GLRA1: variants seen among roughly 807,000 people sequenced by gnomAD.
The protein encoded by GLRA1 is glycine receptor subunit alpha-1.
A neutral mutation model predicts 48.3 loss-of-function variants in GLRA1; 37 were observed. The observed-to-expected ratio is 0.77, with a 90% CI of 0.59 to 1.01. The LOEUF is 1.01. Among genes scored for constraint, GLRA1 ranks in the 50% least tolerant of loss-of-function variants. The pLI, the probability that GLRA1 is intolerant of heterozygous loss-of-function variation, is 0.00. For missense variants in GLRA1, 427 were observed against 571.0 expected, an observed-to-expected ratio of 0.75 and a Z score of 2.57; for synonymous variants, 196 against 210.7, an observed-to-expected ratio of 0.93 and a Z score of 0.60.
At chr5:151,907,178 T>A (rs1754492488) in intron 1 of GLRA1, among the ~76,000 whole-genome samples, 1 of 126,880 alleles carries the variant, frequency 7.9e-6, no homozygotes, top group Admixed American at 8.5e-5. Flanking sequence ...TGGCCTAATT[T>A]TAGAAGACTT....
intron 3 of GLRA1, among the ~76,000 whole-genome samples, chr5:151,869,017 C>CT (rs1414438598): frequency 6.6e-6 from 1 of 152,070 alleles, no homozygotes; most frequent in African/African-American, 2.4e-5. Flanking sequence ...TAGGGGATCA[C>CT]TAAAGATCAA....
intron 1 of GLRA1, among the ~76,000 whole-genome samples, chr5:151,908,215 ACATGGAGTTAGTTG>A (rs1447428716): frequency 6.6e-6 from 1 of 152,242 alleles, no homozygotes; most frequent in East Asian, 1.9e-4. Flanking sequence ...CCAGCAGGAA[ACATGGAGTTAGTTG>A]CATGAAGAGA....
chr5:151,917,225 G>A (rs189359685), intron 1 of GLRA1, among the ~76,000 whole-genome samples: 91 of 152,232 alleles, frequency 6.0e-4, no homozygotes, highest in Non-Finnish European at 1.2e-3. Context: ...TTCTGGGTGC[G>A]CTTTGGAAAT....
intron 3 of GLRA1, among the ~76,000 whole-genome samples, chr5:151,863,812 C>T (rs1175762293): frequency 6.6e-6 from 1 of 152,200 alleles, no homozygotes; most frequent in Non-Finnish European, 1.5e-5. Flanking sequence ...CACCCTCACC[C>T]CTGCTCAATT....
At chr5:151,841,044 A>G (rs940277733) in intron 7 of GLRA1, among the ~76,000 whole-genome samples, 16 of 152,186 alleles carry the variant, frequency 1.1e-4, no homozygotes, top group Admixed American at 7.9e-4. Flanking sequence ...AAGAACACCT[A>G]TAGAACACTC....
At chr5:151,847,771 T>C (rs1467552591) in intron 7 of GLRA1, among the ~76,000 whole-genome samples, 2 of 151,742 alleles carry the variant, frequency 1.3e-5, no homozygotes, top group Non-Finnish European at 2.9e-5. Flanking sequence ...GATCTAGTGT[T>C]GACAGTGAAG....
intron 3 of GLRA1, among the ~76,000 whole-genome samples, chr5:151,882,118 C>T (rs1339427840): frequency 6.6e-6 from 1 of 152,172 alleles, no homozygotes; most frequent in Non-Finnish European, 1.5e-5. Flanking sequence ...TCTGTTCAAG[C>T]TGAAGTTCCC....
chr5:151,915,497 T>C (rs981652059), intron 1 of GLRA1, among the ~76,000 whole-genome samples: 8 of 152,126 alleles, frequency 5.3e-5, no homozygotes, highest in African/African-American at 1.9e-4. Context: ...TGTTCATCAA[T>C]AGGGGATGGC....
At chr5:151,915,506 G>C (rs1754717164) in intron 1 of GLRA1, among the ~76,000 whole-genome samples, 2 of 152,234 alleles carry the variant, frequency 1.3e-5, no homozygotes, top group African/African-American at 4.8e-5. Context: ...ATAGGGGATG[G>C]CTAGAAAACA....
chr5:151,829,151 C>T lies in GLRA1; in HGVS notation c.913-84G>A, dbSNP rs573667694. 7.9e-5 allele frequency: 107 copies of T among 1,359,614 alleles called. No individual in the cohort carries two copies. The East Asian group carries it at 8.3e-4, about 11-fold the overall frequency. The allele number at this position is 1,359,614 out of a possible 1,614,324, so 84.2% of individuals were successfully genotyped here. The stretch of plus-strand genomic sequence containing the variant: ...GCATGGCGGAATATTTTCTGCTCTT[C>T]GGTAATTCCCCACATCACCCACTGC... On this transcript the variant is annotated intron_variant, in intron 7 of 8. Transcript: ENST00000274576.
intron 4 of GLRA1, among the ~76,000 whole-genome samples, chr5:151,857,801 C>T (rs1239125803): frequency 6.6e-6 from 1 of 152,202 alleles, no homozygotes; most frequent in Non-Finnish European, 1.5e-5. Flanking sequence ...AAGGCTTTTC[C>T]AACATCTGAG....
chr5:151,824,867 TC>T (rs143624280), intron 8 of GLRA1, among the ~76,000 whole-genome samples: 19,929 of 152,248 alleles, frequency 0.13, 1,413 homozygotes, highest in African/African-American at 0.16. Flanking sequence ...ATGAACATAG[TC>T]CCTGGTTCAT....
intron 3 of GLRA1, among the ~76,000 whole-genome samples, chr5:151,862,424 G>T (rs1471823980): frequency 1.3e-5 from 2 of 152,182 alleles, no homozygotes; most frequent in Non-Finnish European, 2.9e-5. Context: ...ATTGACAAAT[G>T]GGATCTAATT....
intron 1 of GLRA1, among the ~76,000 whole-genome samples, chr5:151,916,805 T>C (rs995984762): frequency 5.3e-5 from 8 of 152,178 alleles, no homozygotes; most frequent in South Asian, 2.1e-4. Context: ...CTTCTCTTTA[T>C]CTAGTGTCAC....
intron 3 of GLRA1, among the ~76,000 whole-genome samples, chr5:151,879,423 C>T (rs770203044): frequency 2.2e-4 from 33 of 151,834 alleles, no homozygotes; most frequent in Non-Finnish European, 3.5e-4. Context: ...GGCACCATCT[C>T]GGCTCACTGC....
intron 4 of GLRA1, among the ~76,000 whole-genome samples, chr5:151,856,875 A>C (rs901291132): frequency 1.1e-4 from 17 of 152,320 alleles, no homozygotes; most frequent in African/African-American, 4.1e-4. Context: ...ACACACATAC[A>C]AACTGTTAAC....
At chr5:151,904,444 T>G (rs1754430079) in intron 1 of GLRA1, among the ~76,000 whole-genome samples, 1 of 152,222 alleles carries the variant, frequency 6.6e-6, no homozygotes, top group African/African-American at 2.4e-5. Flanking sequence ...AATTCTTCCT[T>G]GTATGATCTT....
intron 1 of GLRA1, among the ~76,000 whole-genome samples, chr5:151,921,559 G>T (rs1233546358): frequency 6.6e-6 from 1 of 152,226 alleles, no homozygotes; most frequent in Non-Finnish European, 1.5e-5. Flanking sequence ...AGAAACATGT[G>T]TCTGTTTGAG....
chr5:151,915,665 T>C (rs1189909396), intron 1 of GLRA1, among the ~76,000 whole-genome samples: 1 of 151,578 alleles, frequency 6.6e-6, no homozygotes, highest in East Asian at 1.9e-4. Flanking sequence ...CATGAAATGA[T>C]TGTATATTTC....
Sources: gnomAD v4.1 joint callset for allele counts (sites outside exome capture counted in the v4.1 genomes callset) on GRCh38, gnomAD v4.1.1 for gene constraint, MANE v1.5 for transcripts, NCBI Gene and HGNC (gene_info 2026-07-23, HGNC 2026-07-21) for gene names.